SPAG16: variants seen among roughly 807,000 people sequenced by gnomAD.
The protein encoded by SPAG16 is sperm-associated antigen 16 protein.
SPAG16 carries 86 observed loss-of-function variants against 80.4 expected under a neutral mutation model. The observed-to-expected ratio is 1.07, with a 90% confidence interval of 0.90 to 1.28. The LOEUF (loss-of-function observed/expected upper bound fraction) is 1.28, where lower values mean the gene tolerates loss of function less well. SPAG16 is among the 50% of genes most tolerant of loss of function. SPAG16 has a pLI of 0.00. For synonymous variants in SPAG16, 294 were observed against 265.9 expected, an observed-to-expected ratio of 1.11 and a Z score of -1.03; for missense variants, 870 against 765.3, an observed-to-expected ratio of 1.14 and a Z score of -1.61.
intron 11 of SPAG16, among the ~76,000 whole-genome samples, chr2:213,890,112 G>T (rs1449576874): frequency 6.6e-6 from 1 of 152,000 alleles, no homozygotes; most frequent in Non-Finnish European, 1.5e-5. Context: ...CCATAATTTA[G>T]TGTCCTTTAA....
At chr2:213,980,176 C>A (rs1427868363) in intron 12 of SPAG16, among the ~76,000 whole-genome samples, 1 of 147,020 alleles carries the variant, frequency 6.8e-6, no homozygotes, top group Non-Finnish European at 1.5e-5. Flanking sequence ...GAAACCCCGT[C>A]TCTACTAAAA....
intron 9 of SPAG16, among the ~76,000 whole-genome samples, chr2:213,387,429 C>CTTTTT (rs1491308938): frequency 0.027 from 1,922 of 71,578 alleles, 381 homozygotes; most frequent in East Asian, 0.052. Context: ...GAAATGCATG[C>CTTTTT]TCTTTTTTTT....
At chr2:213,622,295 C>T (rs533950192) in intron 10 of SPAG16, among the ~76,000 whole-genome samples, 1 of 152,292 alleles carries the variant, frequency 6.6e-6, no homozygotes, top group East Asian at 1.9e-4. Context: ...TCTCAAAAAA[C>T]GTGTCAAAGA....
At chr2:214,270,474 A>G (rs1050580702) in intron 15 of SPAG16, among the ~76,000 whole-genome samples, 1 of 152,150 alleles carries the variant, frequency 6.6e-6, no homozygotes, top group African/African-American at 2.4e-5. Context: ...GTGGTCTGTC[A>G]CTTTCTGCTT....
intron 10 of SPAG16, among the ~76,000 whole-genome samples, chr2:213,861,087 A>G (rs912331545): frequency 7.9e-5 from 12 of 152,196 alleles, no homozygotes; most frequent in African/African-American, 2.7e-4. Context: ...TGCAAAATGA[A>G]TAATTTCCCT....
At chr2:213,299,296 T>C (rs1375188568) in intron 3 of SPAG16, among the ~76,000 whole-genome samples, 2 of 152,078 alleles carry the variant, frequency 1.3e-5, no homozygotes, top group African/African-American at 2.4e-5. Context: ...ATTCTTGTTC[T>C]TATGATTTCC....
At chr2:213,391,324 A>G (rs1416085112) in intron 9 of SPAG16, among the ~76,000 whole-genome samples, 1 of 152,216 alleles carries the variant, frequency 6.6e-6, no homozygotes, top group Non-Finnish European at 1.5e-5. Flanking sequence ...AAAATATTTT[A>G]GCTTATAACT....
chr2:213,620,807 A>G (rs552415960), intron 10 of SPAG16, among the ~76,000 whole-genome samples: 1 of 152,260 alleles, frequency 6.6e-6, no homozygotes, highest in East Asian at 1.9e-4. Context: ...TTATTGTCAA[A>G]TGTAATTATA....
chr2:213,734,590 A>C (rs2067201603), intron 10 of SPAG16, among the ~76,000 whole-genome samples: 1 of 152,194 alleles, frequency 6.6e-6, no homozygotes, highest in African/African-American at 2.4e-5. Flanking sequence ...TTTGAAGGTG[A>C]GTGTCTTTTT....
chr2:213,829,070 C>T (rs1052533532), intron 10 of SPAG16, among the ~76,000 whole-genome samples: 1 of 152,148 alleles, frequency 6.6e-6, no homozygotes, highest in African/African-American at 2.4e-5. Context: ...TGGGCTCTAA[C>T]AATCAGCAGA....
intron 9 of SPAG16, among the ~76,000 whole-genome samples, chr2:213,378,977 A>G (rs1007492437): frequency 2.0e-5 from 3 of 152,216 alleles, no homozygotes; most frequent in African/African-American, 7.2e-5. Flanking sequence ...GTCTGGGCCA[A>G]TCACCCCAGC....
intron 12 of SPAG16, among the ~76,000 whole-genome samples, chr2:213,977,601 T>C (rs754989611): frequency 1.3e-5 from 2 of 151,628 alleles, no homozygotes; most frequent in Non-Finnish European, 2.9e-5. Flanking sequence ...CAACTCTGAT[T>C]CCTGCCCCCA....
At chr2:214,378,802 C>T (rs1700280370) in intron 15 of SPAG16, among the ~76,000 whole-genome samples, 1 of 152,220 alleles carries the variant, frequency 6.6e-6, no homozygotes, top group African/African-American at 2.4e-5. Context: ...AAACAAATTG[C>T]AGGGACACTG....
intron 10 of SPAG16, among the ~76,000 whole-genome samples, chr2:213,649,156 T>C (rs2062933618): frequency 6.6e-6 from 1 of 152,184 alleles, no homozygotes; most frequent in African/African-American, 2.4e-5. Flanking sequence ...AACTAAGAGA[T>C]AAGTTAAAAT....
chr2:213,561,497 CATT>C (rs1161514482), intron 10 of SPAG16, among the ~76,000 whole-genome samples: 2 of 152,110 alleles, frequency 1.3e-5, no homozygotes, highest in African/African-American at 4.8e-5. Context: ...TATAATCACT[CATT>C]GTATGCCTGT....
chr2:213,558,876 A>G (rs2059514511), intron 10 of SPAG16, among the ~76,000 whole-genome samples: 1 of 152,086 alleles, frequency 6.6e-6, no homozygotes, highest in Non-Finnish European at 1.5e-5. Context: ...CTCCTCTCTC[A>G]TCTTTCCTGA....
At chr2:213,293,850 T>C (rs890646233) in intron 1 of SPAG16, among the ~76,000 whole-genome samples, 1 of 152,224 alleles carries the variant, frequency 6.6e-6, no homozygotes, top group Non-Finnish European at 1.5e-5. Flanking sequence ...GATTTACATA[T>C]ACATTGTGAA....
At chr2:214,330,440 C>T (rs1010671469) in intron 15 of SPAG16, among the ~76,000 whole-genome samples, 6 of 152,110 alleles carry the variant, frequency 3.9e-5, no homozygotes, top group African/African-American at 1.4e-4. Flanking sequence ...TCAGGTTCCC[C>T]AAGAAATACT....
intron 14 of SPAG16, among the ~76,000 whole-genome samples, chr2:214,133,151 CAT>C (rs2054873051): frequency 6.7e-6 from 1 of 150,306 alleles, no homozygotes; most frequent in Non-Finnish European, 1.5e-5. Context: ...CTACCATTAG[CAT>C]AGAGCAAGGT....
Sources: allele counts gnomAD v4.1 joint callset (sites outside exome capture counted in the v4.1 genomes callset), GRCh38; gene constraint gnomAD v4.1.1; transcripts MANE v1.5; gene names NCBI Gene and HGNC (gene_info 2026-07-23, HGNC 2026-07-21).